The following PGP variants were observed in gnomAD, a reference collection of about 807,000 sequenced individuals.
The protein encoded by PGP is phosphoglycolate phosphatase, also known as aspartate-based ubiquitous Mg(2+)-dependent phosphatase.
Under a neutral mutation model 19.3 loss-of-function variants are expected in PGP, and 9 were observed. That is an observed-to-expected ratio of 0.47 (90% CI 0.28 to 0.81). PGP has a LOEUF of 0.81. PGP is among the 40% of genes least tolerant of loss of function. The pLI is 0.11. For missense variants in PGP, 403 were observed against 479.9 expected (o/e 0.84, Z 1.50); for synonymous variants, 308 against 226.8 (o/e 1.36, Z -3.22).
chr16:2,212,947 T>C lies in PGP; in HGVS notation c.*781A>G, dbSNP rs1199849472. Reference sequence around the variant, plus strand: ...AACTGGTAGCAGCACTGCTCTGAGCTCCCTGCACTGCAGCCCGGAGTTCAG... The same window carrying C: ...AACTGGTAGCAGCACTGCTCTGAGCCCCCTGCACTGCAGCCCGGAGTTCAG... On this transcript the variant is annotated 3_prime_UTR_variant, in exon 2 of 2. Coordinates refer to ENST00000333503, the MANE Select transcript of PGP (RefSeq NM_001042371.3). 1 of 985,388 alleles carries C rather than the reference T, an allele frequency of 1.0e-6. No homozygotes were observed. Among genetic ancestry groups the C allele is most frequent in the Non-Finnish European group, 1.2e-6 (1 of 829,946 alleles). The allele number at this position is 985,388 out of a possible 1,614,324, so 61.0% of individuals were successfully genotyped here. A position where few individuals can be genotyped will look rare whatever the true frequency, so the allele number is the denominator to read the frequency against.
In PGP at chr16:2,211,936, C is replaced by G. The variant is rs990810468; in HGVS notation, c.*1792G>C. On this transcript the variant is annotated 3_prime_UTR_variant, in exon 2 of 2. Transcript: ENST00000333503. ...CCCATCTACTTTGAGTCCTCCCACC[C>G]GTGGTGAGACGGCATCACCCGGGCC... is the stretch of plus-strand genomic sequence containing the variant. The G allele has an allele frequency of 4.1e-6, 4 of 985,410 alleles. No individual in the cohort carries two copies. Among genetic ancestry groups the G allele is most frequent in the African/African-American group, 1.7e-5 (1 of 57,260 alleles). The allele number at this position is 985,410 out of a possible 1,614,324, so 61.0% of individuals were successfully genotyped here. A position where few individuals can be genotyped will look rare whatever the true frequency, so the allele number is the denominator to read the frequency against.
chr16:2,213,073 G>A lies in PGP; in HGVS notation c.*655C>T. ...TTAGCTGGGCTGCGTTTACAGAACTGGGCAGCAGCCCTGGGTATCTGAAAC... is the reference window on the plus strand; with the variant it reads ...TTAGCTGGGCTGCGTTTACAGAACTAGGCAGCAGCCCTGGGTATCTGAAAC... On this transcript the variant is annotated 3_prime_UTR_variant, in exon 2 of 2. Transcript: ENST00000333503. The A allele has an allele frequency of 1.0e-6, 1 of 985,478 alleles. No individual in the cohort carries two copies. The highest frequency in any genetic ancestry group is 1.2e-6 in the Non-Finnish European group (1 of 829,928). The allele number at this position is 985,478 out of a possible 1,614,324, so 61.0% of individuals were successfully genotyped here.
At position 2,212,061 on chromosome 16, in the gene PGP, C is replaced by G. The variant is rs1004145341; in HGVS notation, c.*1667G>C. On this transcript the variant is annotated 3_prime_UTR_variant, in exon 2 of 2. Coordinates refer to ENST00000333503, the MANE Select transcript of PGP (RefSeq NM_001042371.3). ...GCTGCAGCCCCTCATGGGCCAGAGACAGGATGCACGGGGACTCCCAGCCCC... is the reference window on the plus strand; with the variant it reads ...GCTGCAGCCCCTCATGGGCCAGAGAGAGGATGCACGGGGACTCCCAGCCCC... The G allele has an allele frequency of 7.1e-6, 7 of 985,396 alleles. No individual in the cohort carries two copies. The African/African-American group carries it at 1.0e-4, about 15-fold the overall frequency. The allele number at this position is 985,396 out of a possible 1,614,324, so 61.0% of individuals were successfully genotyped here.
Position 2,213,463 on chromosome 16 carries a change from T to C in PGP, c.*265A>G, listed in dbSNP as rs1356012307. 5.2e-6 allele frequency: 4 copies of C among 771,890 alleles called. No homozygotes were observed. The East Asian group carries it at 1.9e-4, about 36-fold the overall frequency. The allele number at this position is 771,890 out of a possible 1,614,324, so 47.8% of individuals were successfully genotyped here. ...CTGAATCCCGGACAGGTGCAGAGCC[T>C]GCCCCTGCCAACCCCACCCAAGGCC... On this transcript the variant is annotated 3_prime_UTR_variant, in exon 2 of 2. Coordinates refer to ENST00000333503, the MANE Select transcript of PGP (RefSeq NM_001042371.3).
rs1334165360 is a variant in PGP, at chr16:2,212,894, T to C, written c.*834A>G. 2.0e-6 allele frequency: 2 copies of C among 983,240 alleles called. No homozygotes were observed. Among genetic ancestry groups the C allele is most frequent in the African/African-American group, 3.5e-5 (2 of 56,354 alleles). 60.9% of individuals were successfully genotyped at this position (983,240 alleles called of 1,614,324 possible). On this transcript the variant is annotated 3_prime_UTR_variant, in exon 2 of 2. Transcript: ENST00000333503. ...TTAATACACTTAAAATTCAAATCCA[T>C]TGCCTGACACAGTTGTTCAAAGTTA...
Position 2,212,886 on chromosome 16 carries a change from C to CG in PGP, c.*841_*842insC, listed in dbSNP as rs1263602323. 4 of 984,828 alleles carry CG rather than the reference C, an allele frequency of 4.1e-6. No homozygotes were observed. Among genetic ancestry groups the CG allele is most frequent in the Non-Finnish European group, 4.8e-6 (4 of 829,882 alleles). The allele number at this position is 984,828 out of a possible 1,614,324, so 61.0% of individuals were successfully genotyped here. ...CACAGCTATTAATACACTTAAAATT[C>CG]AAATCCATTGCCTGACACAGTTGTT... On this transcript the variant is annotated 3_prime_UTR_variant, in exon 2 of 2. Transcript: ENST00000333503.
rs928034553 is a variant in PGP at position 2,211,714 on chromosome 16, G to T, written c.*2014C>A. The T allele has an allele frequency of 1.7e-5, 17 of 985,330 alleles. No homozygotes were observed. The African/African-American group carries it at 2.3e-4, about 13-fold the overall frequency. The allele number at this position is 985,330 out of a possible 1,614,324, so 61.0% of individuals were successfully genotyped here. A position where few individuals can be genotyped will look rare whatever the true frequency, so the allele number is the denominator to read the frequency against. On this transcript the variant is annotated 3_prime_UTR_variant, in exon 2 of 2. Coordinates refer to ENST00000333503, the MANE Select transcript of PGP (RefSeq NM_001042371.3). The stretch of plus-strand genomic sequence containing the variant: ...ATTACGGGTGTGAGCCACTGCGCCC[G>T]GGCCAGCATTACTTCTGAGCTCTGC...
Position 2,214,502 on chromosome 16 carries a change from G to T in PGP, c.276C>A (p.Pro92=). 7.1e-7 allele frequency: 1 copy of T among 1,416,824 alleles called. No individual in the cohort carries two copies. The highest frequency in any genetic ancestry group is 9.2e-7 in the Non-Finnish European group (1 of 1,089,706). 87.8% of individuals were successfully genotyped at this position (1,416,824 alleles called of 1,614,324 possible). The change falls in exon 1 of 2, where the codon CCC becomes CCA. Residue 92 remains proline (P), a synonymous_variant. Transcript: ENST00000333503. The surrounding 1 kb of genome is among the most constrained non-coding windows in gnomAD (Gnocchi z 7.1). ...TGCCGAAGACCTCCAGGCTGGCGCC[G>T]GGCCCCGCGGGGCCGCCGAAGCCCA... is the stretch of plus-strand genomic sequence containing the variant. The part of the protein sequence containing the change: ...RRLGFGGPAG[P]GASLEVFGTA...
rs1414611950 is a variant in PGP at position 2,212,523 on chromosome 16, T to C, written c.*1205A>G. On this transcript the variant is annotated 3_prime_UTR_variant, in exon 2 of 2. Coordinates refer to ENST00000333503, the MANE Select transcript of PGP (RefSeq NM_001042371.3). ...CAGAACCTTGGCGAGCTGGTGGCCC[T>C]GCCAAGTCCTGCTGGCCACTGAAGA... 6.1e-6 allele frequency: 6 copies of C among 985,404 alleles called. No individual in the cohort carries two copies. The highest frequency in any genetic ancestry group is 7.2e-6 in the Non-Finnish European group (6 of 829,980). The allele number at this position is 985,404 out of a possible 1,614,324, so 61.0% of individuals were successfully genotyped here.
Position 2,214,069 on chromosome 16 carries a change from G to A in PGP, c.641-16C>T. 5 of 1,598,380 alleles carry A rather than the reference G, an allele frequency of 3.1e-6. No homozygotes were observed. Among genetic ancestry groups the A allele is most frequent in the Non-Finnish European group, 4.3e-6 (5 of 1,175,572 alleles). ...CACCCGGTACCTGCGGGGCACAGGG[G>A]ACCGGGTCAAAGGGCAGGGAGGGGG... On this transcript the variant is annotated splice_polypyrimidine_tract_variant and intron_variant, in intron 1 of 1. Coordinates refer to ENST00000333503, the MANE Select transcript of PGP (RefSeq NM_001042371.3). The surrounding 1 kb of genome is among the most constrained non-coding windows in gnomAD (Gnocchi z 7.1).
rs141582521 is a variant in PGP, at chr16:2,212,245, C to T, written c.*1483G>A. 38 of 985,900 alleles carry T rather than the reference C, an allele frequency of 3.9e-5. No homozygotes were observed. The East Asian group carries it at 3.1e-3, about 79-fold the overall frequency. The allele number at this position is 985,900 out of a possible 1,614,324, so 61.1% of individuals were successfully genotyped here. On this transcript the variant is annotated 3_prime_UTR_variant, in exon 2 of 2. Coordinates refer to ENST00000333503, the MANE Select transcript of PGP (RefSeq NM_001042371.3). ...CCACCCTCATGCTGCTCTGCAGCAC[C>T]CTCTGAACCCGATATCCCAGGCCTG... is the stretch of plus-strand genomic sequence containing the variant.
Position 2,213,533 on chromosome 16 carries a change from C to T in PGP, c.*195G>A. ...CCTTCCAAGCCTAAAAGTGCATCTTCGATTACAAGCATCTGTAAACAAAAT... is the reference window on the plus strand; with the variant it reads ...CCTTCCAAGCCTAAAAGTGCATCTTTGATTACAAGCATCTGTAAACAAAAT... On this transcript the variant is annotated 3_prime_UTR_variant, in exon 2 of 2. Transcript: ENST00000333503. 1 of 676,448 alleles carries T rather than the reference C, an allele frequency of 1.5e-6. No homozygotes were observed. Among genetic ancestry groups the T allele is most frequent in the Non-Finnish European group, 2.2e-6 (1 of 452,428 alleles). 41.9% of individuals were successfully genotyped at this position (676,448 alleles called of 1,614,324 possible). A position where few individuals can be genotyped will look rare whatever the true frequency, so the allele number is the denominator to read the frequency against.
In PGP at chr16:2,213,805, A is replaced by T; in HGVS notation, c.889T>A (p.Cys297Ser). The T allele has an allele frequency of 6.2e-7, 1 of 1,603,036 alleles. No homozygotes were observed. Among genetic ancestry groups the T allele is most frequent in the Non-Finnish European group, 8.5e-7 (1 of 1,171,574 alleles). ...GGGACCATTTTCTTCTTAGACACGC[A>T]GTCACTTTCCTGATTATTCTTCACA... ...GDVKNNQESD[C>S]VSKKKMVPDF... Residue 297 changes from cysteine to serine, a missense_variant, in exon 2 of 2, where the codon TGC becomes AGC. Cys to Ser is a moderately radical substitution (Grantham distance 112, BLOSUM62 -1). Transcript: ENST00000333503.
rs2093383111 is a variant in PGP, at chr16:2,214,525, C to G, written c.253G>C (p.Gly85Arg). 1 of 1,446,234 alleles carries G rather than the reference C, an allele frequency of 6.9e-7. No individual in the cohort carries two copies. Among genetic ancestry groups the G allele is most frequent in the South Asian group, 1.3e-5 (1 of 75,306 alleles). 89.6% of individuals were successfully genotyped at this position (1,446,234 alleles called of 1,614,324 possible). A position where few individuals can be genotyped will look rare whatever the true frequency, so the allele number is the denominator to read the frequency against. ...CCGGGCCCCGCGGGGCCGCCGAAGCCCAGGCGCCGCAGCTTCTCGGCGTAG... is the reference window on the plus strand; with the variant it reads ...CCGGGCCCCGCGGGGCCGCCGAAGCGCAGGCGCCGCAGCTTCTCGGCGTAG... ...AAYAEKLRRL[G>R]FGGPAGPGAS... The change falls in exon 1 of 2, where the codon GGC (glycine) becomes CGC (arginine). Residue 85 changes from glycine (G) to arginine (R), a missense_variant. Gly to Arg is a moderately radical substitution (Grantham distance 125). Coordinates refer to ENST00000333503, the MANE Select transcript of PGP (RefSeq NM_001042371.3). This position sits in a 1 kb window ranked among gnomAD's most constrained non-coding sequence, Gnocchi z 7.1.
rs1567288578 is a variant in PGP, at chr16:2,214,802, C to CGCCG, written c.-29_-26dup. The CGCCG allele has an allele frequency of 1.2e-6, 1 of 861,294 alleles. No individual in the cohort carries two copies. The highest frequency in any genetic ancestry group is 1.4e-6 in the Non-Finnish European group (1 of 718,482). 53.4% of individuals were successfully genotyped at this position (861,294 alleles called of 1,614,324 possible). A position where few individuals can be genotyped will look rare whatever the true frequency, so the allele number is the denominator to read the frequency against. ...TCGCCGCCCGCCGGCCGCCGCCGCCCGCCGGCCGCTCCTCGCAGCCGCCCG... is the reference window on the plus strand; with the variant it reads ...TCGCCGCCCGCCGGCCGCCGCCGCCCGCCGGCCGGCCGCTCCTCGCAGCCGCCCG... On this transcript the variant is annotated 5_prime_UTR_variant, in exon 1 of 2. Transcript: ENST00000333503. This position sits in a 1 kb window ranked among gnomAD's most constrained non-coding sequence, Gnocchi z 7.1.
rs2093375819 is a variant in PGP at position 2,211,695 on chromosome 16, GGT to G, written c.*2031_*2032del. ...AGCCTTCCAAAGCGTTGGGATTACG[GGT>G]GTGAGCCACTGCGCCCGGGCCAGCA... is the stretch of plus-strand genomic sequence containing the variant. On this transcript the variant is annotated 3_prime_UTR_variant, in exon 2 of 2. Transcript: ENST00000333503. 1 of 985,196 alleles carries G rather than the reference GGT, an allele frequency of 1.0e-6. No individual in the cohort carries two copies. Among genetic ancestry groups the G allele is most frequent in the Non-Finnish European group, 1.2e-6 (1 of 829,848 alleles). 61.0% of individuals were successfully genotyped at this position (985,196 alleles called of 1,614,324 possible).
At position 2,213,094 on chromosome 16, in the gene PGP, G is replaced by A. The variant is rs1030660018; in HGVS notation, c.*634C>T. The A allele has an allele frequency of 1.1e-5, 11 of 985,426 alleles. No individual in the cohort carries two copies. Among genetic ancestry groups the A allele is most frequent in the Non-Finnish European group, 1.3e-5 (11 of 829,974 alleles). 61.0% of individuals were successfully genotyped at this position (985,426 alleles called of 1,614,324 possible). On this transcript the variant is annotated 3_prime_UTR_variant, in exon 2 of 2. Transcript: ENST00000333503. ...AACTGGGCAGCAGCCCTGGGTATCTGAAACGGAACAGACACTCAGTTGTGA... is the reference window on the plus strand; with the variant it reads ...AACTGGGCAGCAGCCCTGGGTATCTAAAACGGAACAGACACTCAGTTGTGA...
At position 2,213,161 on chromosome 16, in the gene PGP, G is replaced by C; in HGVS notation, c.*567C>G. The C allele has an allele frequency of 2.0e-6, 2 of 985,484 alleles. No individual in the cohort carries two copies. Among genetic ancestry groups the C allele is most frequent in the Non-Finnish European group, 2.4e-6 (2 of 829,950 alleles). The allele number at this position is 985,484 out of a possible 1,614,324, so 61.0% of individuals were successfully genotyped here. On this transcript the variant is annotated 3_prime_UTR_variant, in exon 2 of 2. Transcript: ENST00000333503. ...AAGGAAGTAAGGGAGGTGGGAGAGT[G>C]GTGAGGGCAGCACTTTGCACCCAAG...
chr16:2,214,101 G>GCCCGCCCCCCAGCCT lies in PGP; in HGVS notation c.640+22_640+36dup, dbSNP rs746986796. ...TCAAAGGGCAGGGAGGGGGCCCGCC[G>GCCCGCCCCCCAGCCT]CCCGCCCCCCAGCCTCCCGCCCCAG... On this transcript the variant is annotated intron_variant, in intron 1 of 1. Coordinates refer to ENST00000333503, the MANE Select transcript of PGP (RefSeq NM_001042371.3). This position sits in a 1 kb window ranked among gnomAD's most constrained non-coding sequence, Gnocchi z 7.1. The GCCCGCCCCCCAGCCT allele has an allele frequency of 4.3e-5, 26 of 607,300 alleles. No homozygotes were observed. The highest frequency in any genetic ancestry group is 5.4e-5 in the Non-Finnish European group (25 of 460,984). The allele number at this position is 607,300 out of a possible 1,614,324, so 37.6% of individuals were successfully genotyped here.
Sources: allele counts gnomAD v4.1 joint callset, GRCh38; gene constraint gnomAD v4.1.1; non-coding constraint Gnocchi (gnomAD v3.1); transcripts MANE v1.5; gene names NCBI Gene and HGNC (gene_info 2026-07-23, HGNC 2026-07-21).